Variants in AGBL3 observed in about 807,000 individuals in gnomAD.
The protein encoded by AGBL3 is AGBL carboxypeptidase 3.
In AGBL3, 68 loss-of-function variants were observed where a neutral mutation model predicts 94.5. The ratio of observed to expected loss-of-function variants is 0.72; its 90% confidence interval spans 0.59 to 0.88. The LOEUF (loss-of-function observed/expected upper bound fraction) is 0.88. AGBL3 is among the 40% of genes least tolerant of loss of function. AGBL3 has a pLI of 0.00. For synonymous variants in AGBL3, 354 were observed against 370.7 expected (o/e 0.95, Z 0.52); for missense variants, 934 against 1,103.8 (o/e 0.85, Z 2.18).
At chr7:135,051,189 T>C (rs1464875756) in intron 11 of AGBL3, 4 of 231,370 alleles carry the variant, frequency 1.7e-5, no homozygotes, top group South Asian at 1.4e-4. Context: ...GTAAAACAAA[T>C]GTATGATTCT....
intron 4 of AGBL3, among the ~76,000 whole-genome samples, chr7:135,002,560 C>T (rs1334945755): frequency 6.6e-6 from 1 of 152,140 alleles, no homozygotes; most frequent in Admixed American, 6.5e-5. Context: ...TTAGCATAAA[C>T]TATCTGATGT....
At chr7:135,032,161 C>A (rs186107233) in intron 5 of AGBL3, among the ~76,000 whole-genome samples, 8 of 152,304 alleles carry the variant, frequency 5.3e-5, no homozygotes, top group African/African-American at 1.9e-4. Context: ...AAAGATCCTA[C>A]ATAGTTGTTC....
chr7:135,044,818 T>G (rs971290835), intron 9 of AGBL3, among the ~76,000 whole-genome samples: 19 of 147,076 alleles, frequency 1.3e-4, no homozygotes, highest in Non-Finnish European at 2.5e-4. Flanking sequence ...ACCCACTAAC[T>G]CGTCATCTAG....
chr7:135,070,199 C>T (rs1819754229), intron 12 of AGBL3, among the ~76,000 whole-genome samples: 1 of 152,176 alleles, frequency 6.6e-6, no homozygotes, highest in Non-Finnish European at 1.5e-5. Context: ...TCTGGATAGA[C>T]CAATAACAGG....
In AGBL3 at chr7:134,993,478, G is replaced by A. The variant is rs1242980636; in HGVS notation, c.125-15G>A. ...CTTCTTCCCACTCATGATTGTGTTTGAATCTTTTTCTCAGCTGACTCTTTT... is the reference window on the plus strand; with the variant it reads ...CTTCTTCCCACTCATGATTGTGTTTAAATCTTTTTCTCAGCTGACTCTTTT... On this transcript the variant is annotated splice_polypyrimidine_tract_variant and intron_variant, in intron 3 of 16. Transcript: ENST00000436302. 5 of 1,523,084 alleles carry A rather than the reference G, an allele frequency of 3.3e-6. No homozygotes were observed. The Admixed American group carries it at 1.1e-4, about 33-fold the overall frequency. 94.3% of individuals were successfully genotyped at this position (1,523,084 alleles called of 1,614,324 possible). A position where few individuals can be genotyped will look rare whatever the true frequency, so the allele number is the denominator to read the frequency against.
chr7:135,073,130 A>G (rs1347763311), intron 12 of AGBL3, among the ~76,000 whole-genome samples: 2 of 152,008 alleles, frequency 1.3e-5, no homozygotes, highest in Non-Finnish European at 2.9e-5. Context: ...AGAGAATAGA[A>G]GGGTCATTAC....
intron 16 of AGBL3, among the ~76,000 whole-genome samples, chr7:135,131,616 T>A (rs537457551): frequency 6.6e-6 from 1 of 151,626 alleles, no homozygotes; most frequent in Admixed American, 6.6e-5. Flanking sequence ...ACATCTGAAA[T>A]CAATAATCTA....
intron 8 of AGBL3, among the ~76,000 whole-genome samples, chr7:135,042,935 T>A (rs1402671022): frequency 6.6e-6 from 1 of 151,940 alleles, no homozygotes; most frequent in Non-Finnish European, 1.5e-5. Context: ...AAAAGATGCA[T>A]AGAATGAAAC....
chr7:135,052,843 G>A (rs1397689101), intron 11 of AGBL3, among the ~76,000 whole-genome samples: 1 of 152,002 alleles, frequency 6.6e-6, no homozygotes, highest in Non-Finnish European at 1.5e-5. Context: ...AAGAAATTCA[G>A]GAATTTATGG....
At chr7:135,065,749 G>A (rs779791486) in intron 12 of AGBL3, among the ~76,000 whole-genome samples, 17 of 152,056 alleles carry the variant, frequency 1.1e-4, no homozygotes, top group African/African-American at 3.9e-4. Context: ...AAAATTATCC[G>A]GGCATGGTGG....
intron 11 of AGBL3, among the ~76,000 whole-genome samples, chr7:135,049,726 T>C (rs1258672056): frequency 6.6e-6 from 1 of 151,920 alleles, no homozygotes; most frequent in African/African-American, 2.4e-5. Context: ...CAGTCTCTTA[T>C]GATTCTTTTT....
At position 135,003,858 on chromosome 7, in the gene AGBL3, TTATTA is replaced by T. The variant is rs557370965; in HGVS notation, c.310+10184_310+10188del. Among the ~76,000 whole-genome samples the T allele has an allele frequency of 2.0e-3, 296 of 151,578 alleles. 2 individuals are homozygous for T. The highest frequency in any genetic ancestry group is 6.6e-3 in the African/African-American group (275 of 41,546). On this transcript the variant is annotated intron_variant, in intron 4 of 16. Coordinates refer to ENST00000436302, the MANE Select transcript of AGBL3 (RefSeq NM_178563.4). ...CCATACTTTGTTTCTAATATTTAAA[TTATTA>T]TATATGTTCCAATTATACAGTTATC...
At chr7:135,045,675 T>C in intron 10 of AGBL3, 101 bp downstream of exon 10, 2 of 1,309,318 alleles carry the variant, frequency 1.5e-6, no homozygotes, top group Non-Finnish European at 2.1e-6. Flanking sequence ...GTCCCAACAG[T>C]GTTGTTGGGG....
rs1354169965 is a variant in AGBL3 at position 135,076,412 on chromosome 7, A to C, written c.1924A>C (p.Thr642Pro). The C allele has an allele frequency of 1.0e-5, 16 of 1,547,382 alleles. No homozygotes were observed. Among genetic ancestry groups the C allele is most frequent in the Non-Finnish European group, 1.3e-5 (15 of 1,143,538 alleles). ...CTTTTACTAGAAAAAACATTTGAAA[A>C]CAAAGAAGGAAAGGAATTCTACCAT... Reference protein sequence around the residue: ...KLTSQKKHLKTKKERNSTIAS... With the variant: ...KLTSQKKHLKPKKERNSTIAS... Residue 642 changes from threonine to proline, a missense_variant, in exon 13 of 17, where the codon ACA becomes CCA. Physicochemically the swap from Thr to Pro is conservative, Grantham distance 38. Transcript: ENST00000436302.
chr7:135,073,294 C>T (rs1288751216), intron 12 of AGBL3, among the ~76,000 whole-genome samples: 5 of 151,598 alleles, frequency 3.3e-5, no homozygotes, highest in Non-Finnish European at 5.9e-5. Context: ...AGTGAAACCC[C>T]GTCTCTACTA....
chr7:135,013,527 T>C (rs1813407721), intron 4 of AGBL3, among the ~76,000 whole-genome samples: 1 of 152,192 alleles, frequency 6.6e-6, no homozygotes, highest in Non-Finnish European at 1.5e-5. Flanking sequence ...ATCTCTAAGA[T>C]GTTTAGTGAA....
chr7:135,034,482 T>G lies in AGBL3; in HGVS notation c.891T>G (p.His297Gln). 1.3e-6 allele frequency: 2 copies of G among 1,551,874 alleles called. No homozygotes were observed. Among genetic ancestry groups the G allele is most frequent in the Non-Finnish European group, 1.7e-6 (2 of 1,147,028 alleles). Residue 297 changes from histidine (H) to glutamine (Q), a missense_variant, in exon 7 of 17, where the codon CAT (histidine) becomes CAG (glutamine). Around this residue, in one of 3 missense-constraint regions of AGBL3, gnomAD observed 488 missense variants for 563.6 expected, o/e 0.87. Transcript: ENST00000436302. Reference protein sequence around the residue: ...PHNKDTCYFAHCYPYTYTNLQ... With the variant: ...PHNKDTCYFAQCYPYTYTNLQ... The stretch of plus-strand genomic sequence containing the variant: ...ACAAAGATACCTGCTACTTTGCTCA[T>G]TGCTATCCATACACTTACACCAACC...
rs183367125 is a variant in AGBL3, at chr7:135,057,038, T to C, written c.1842-2131T>C. Among the ~76,000 whole-genome samples the C allele has an allele frequency of 1.5e-4, 23 of 152,088 alleles. No individual in the cohort carries two copies. The East Asian group carries it at 4.2e-3, about 28-fold the overall frequency. On this transcript the variant is annotated intron_variant, in intron 11 of 16. Coordinates refer to ENST00000436302, the MANE Select transcript of AGBL3 (RefSeq NM_178563.4). ...CAGTACTAGAGAAAGAACAGACAAA[T>C]AGACCAATAAAACAAAATAGAGAAC...
At position 135,046,789 on chromosome 7, in the gene AGBL3, T is replaced by C. The variant is rs557810893; in HGVS notation, c.1841+878T>C. 2.0e-5 allele frequency among the ~76,000 whole-genome samples: 3 copies of C among 152,218 alleles called. 1 individual carries two copies. The South Asian group carries it at 6.2e-4, about 31-fold the overall frequency. ...AATAAAGCTGCTACATATATCCATGTGCAGGTTTTTGTGTAGACATAAGTC... is the reference window on the plus strand; with the variant it reads ...AATAAAGCTGCTACATATATCCATGCGCAGGTTTTTGTGTAGACATAAGTC... On this transcript the variant is annotated intron_variant, in intron 11 of 16. Coordinates refer to ENST00000436302, the MANE Select transcript of AGBL3 (RefSeq NM_178563.4).
Sources: gnomAD v4.1 joint callset for allele counts (sites outside exome capture counted in the v4.1 genomes callset) on GRCh38, gnomAD v4.1.1 for gene constraint, gnomAD v4.1.1 regional missense constraint, MANE v1.5 for transcripts, NCBI Gene and HGNC (gene_info 2026-07-23, HGNC 2026-07-21) for gene names.